VPS13A: variants seen among roughly 807,000 people sequenced by gnomAD.
The protein encoded by VPS13A is intermembrane lipid transfer protein VPS13A.
A neutral mutation model predicts 390.9 loss-of-function variants in VPS13A; 264 were observed. The observed-to-expected ratio is 0.68, with a 90% CI of 0.61 to 0.75. The LOEUF (loss-of-function observed/expected upper bound fraction) is 0.75, where lower values mean the gene tolerates loss of function less well. Among genes scored for constraint, VPS13A ranks in the 30% least tolerant of loss-of-function variants. VPS13A has a pLI of 0.00. For missense variants in VPS13A, 3,409 were observed against 3,733.9 expected (o/e 0.91, Z 2.27); for synonymous variants, 1,231 against 1,227.1 (o/e 1.00, Z -0.07).
rs751894921 is a variant in VPS13A at position 77,381,995 on chromosome 9, G to A, written c.9097G>A (p.Val3033Met). The A allele has an allele frequency of 1.2e-6, 2 of 1,605,922 alleles. No homozygotes were observed. Among genetic ancestry groups the A allele is most frequent in the Non-Finnish European group, 1.7e-6 (2 of 1,175,644 alleles). The change falls in exon 68 of 72, where the codon GTG becomes ATG. Residue 3033 changes from valine (V) to methionine (M), a missense_variant. By Grantham distance (21) the Val-to-Met change is conservative (BLOSUM62 1). This residue lies in a region of VPS13A where 318 missense variants were observed against 333.7 expected (regional missense o/e 0.95). Coordinates refer to ENST00000360280, the MANE Select transcript of VPS13A (RefSeq NM_033305.3). Reference protein sequence around the residue: ...GIKRATETSEVESLRPPRFFN... With the variant: ...GIKRATETSEMESLRPPRFFN... ...CTCTAGAGCTACAGAGACTTCTGAA[G>A]TGGAGAGTCTGCGACCTCCTCGGTT...
At chr9:77,345,627 G>A (rs1831107424) in intron 52 of VPS13A, among the ~76,000 whole-genome samples, 1 of 152,006 alleles carries the variant, frequency 6.6e-6, no homozygotes, top group Admixed American at 6.6e-5. Context: ...TTTATTTGCT[G>A]TTATATCTTC....
intron 57 of VPS13A, among the ~76,000 whole-genome samples, chr9:77,358,696 G>A (rs1245434467): frequency 2.6e-5 from 4 of 152,176 alleles, no homozygotes; most frequent in Non-Finnish European, 4.4e-5. Flanking sequence ...CAGATAATCT[G>A]TAAACCTGCG....
chr9:77,336,597 A>G (rs1178066180), intron 46 of VPS13A, among the ~76,000 whole-genome samples: 2 of 151,640 alleles, frequency 1.3e-5, no homozygotes, highest in East Asian at 3.9e-4. Flanking sequence ...AGAAAAGCCA[A>G]ATTCTTTCAG....
chr9:77,295,830 G>T lies in VPS13A; in HGVS notation c.3796G>T (p.Glu1266Ter). ...TGATTTGATAACAATAAAGCTGAGT[G>T]AAATGCGACTATACAGGTAAGCTTT... ...VIDLITIKLS[E>*]MRLYRSRFIN... Residue 1266 changes from glutamate to a stop codon, truncating the protein, a stop_gained, in exon 33 of 72, where the codon GAA (glutamate) becomes TAA (stop). Transcript: ENST00000360280. LOFTEE classifies it high-confidence loss of function. 1 of 1,613,826 alleles carries T rather than the reference G, an allele frequency of 6.2e-7. No homozygotes were observed. Among genetic ancestry groups the T allele is most frequent in the South Asian group, 1.1e-5 (1 of 91,078 alleles).
rs1174179361 is a variant in VPS13A at position 77,359,540 on chromosome 9, T to C, written c.8105+138T>C. The C allele has an allele frequency of 4.5e-6, 4 of 886,324 alleles. No homozygotes were observed. In the African/African-American group the frequency reaches 6.7e-5, roughly 15 times the overall value. 54.9% of individuals were successfully genotyped at this position (886,324 alleles called of 1,614,324 possible). ...ATTATAAACGTCAAATAAAAAAATA[T>C]AATGTTGTGGCTCACGCCTGTAATG... On this transcript the variant is annotated intron_variant, in intron 58 of 71. Coordinates refer to ENST00000360280, the MANE Select transcript of VPS13A (RefSeq NM_033305.3).
chr9:77,201,098 A>C (rs1825306334), intron 2 of VPS13A, among the ~76,000 whole-genome samples: 1 of 152,130 alleles, frequency 6.6e-6, no homozygotes, highest in Non-Finnish European at 1.5e-5. Context: ...ATTGGTAATG[A>C]TTTGATATGA....
intron 13 of VPS13A, among the ~76,000 whole-genome samples, chr9:77,222,195 G>A (rs968621876): frequency 6.6e-6 from 1 of 152,036 alleles, no homozygotes; most frequent in Non-Finnish European, 1.5e-5. Flanking sequence ...AAGACCTAGG[G>A]CTGTTAGGAA....
intron 68 of VPS13A, chr9:77,382,950 G>A: frequency 7.1e-6 from 7 of 985,116 alleles, no homozygotes; most frequent in Non-Finnish European, 8.4e-6. Context: ...CCAGTGTCAT[G>A]TTGTTTCTGT....
In VPS13A at chr9:77,214,355, T is replaced by C. The variant is rs749945516; in HGVS notation, c.723T>C (p.Asn241=). Residue 241 remains asparagine, a synonymous_variant, in exon 10 of 72, where the codon AAT becomes AAC. Transcript: ENST00000360280. ...SLDDLKNGIV[N]ENIVPEGYDF... ...ACGACTTGAAGAATGGCATTGTCAA[T>C]GAAAATATTGTTCCAGAAGGTTATG... is the stretch of plus-strand genomic sequence containing the variant. 3.4e-5 allele frequency: 55 copies of C among 1,613,140 alleles called. No individual in the cohort carries two copies. In the Admixed American group the frequency reaches 4.5e-4, roughly 13 times the overall value.
intron 68 of VPS13A, among the ~76,000 whole-genome samples, chr9:77,392,634 A>G (rs1365531352): frequency 6.6e-6 from 1 of 152,070 alleles, no homozygotes; most frequent in Non-Finnish European, 1.5e-5. Context: ...AGCAAGTCAC[A>G]CGCATATATT....
chr9:77,189,457 T>A (rs1824545355), intron 1 of VPS13A, among the ~76,000 whole-genome samples: 1 of 152,172 alleles, frequency 6.6e-6, no homozygotes, highest in Non-Finnish European at 1.5e-5. Context: ...TCCATTGGTC[T>A]ACATGTCTGT....
chr9:77,322,929 T>A lies in VPS13A; in HGVS notation c.5831-138T>A. On this transcript the variant is annotated intron_variant, in intron 44 of 71. Coordinates refer to ENST00000360280, the MANE Select transcript of VPS13A (RefSeq NM_033305.3). ...TGCTGGCTTCTTAAAATATCCCTTT[T>A]ATGGACTATATCCAAAGACTCTAGT... The A allele has an allele frequency of 4.4e-6, 3 of 675,660 alleles. No homozygotes were observed. The South Asian group carries it at 6.6e-5, about 15-fold the overall frequency. The allele number at this position is 675,660 out of a possible 1,614,324, so 41.9% of individuals were successfully genotyped here.
intron 3 of VPS13A, among the ~76,000 whole-genome samples, chr9:77,204,176 C>T (rs1376362977): frequency 1.3e-5 from 2 of 152,136 alleles, no homozygotes; most frequent in Non-Finnish European, 2.9e-5. Flanking sequence ...ATTTCCCAAT[C>T]ACTAACCAGT....
chr9:77,288,908 G>A (rs1469735976), intron 31 of VPS13A, among the ~76,000 whole-genome samples: 2 of 152,004 alleles, frequency 1.3e-5, no homozygotes, highest in Non-Finnish European at 2.9e-5. Context: ...TCTCTTGTTA[G>A]GTACATATAA....
intron 38 of VPS13A, 131 bp from the exon 39 acceptor site, chr9:77,316,043 A>G (rs895622121): frequency 4.9e-5 from 19 of 389,918 alleles, no homozygotes; most frequent in Middle Eastern, 1.8e-3. Flanking sequence ...TAAGGGTTGT[A>G]GTTGATTCCT....
chr9:77,201,296 G>C, intron 2 of VPS13A, 69 bp from the exon 3 acceptor site: 1 of 1,061,856 alleles, frequency 9.4e-7, no homozygotes, highest in Non-Finnish European at 1.4e-6. Context: ...TGGAAGTAAA[G>C]AGTATTCATT....
In VPS13A at chr9:77,253,515, C is replaced by A. The variant is rs535015803; in HGVS notation, c.2288+1163C>A. On this transcript the variant is annotated intron_variant, in intron 22 of 71. Coordinates refer to ENST00000360280, the MANE Select transcript of VPS13A (RefSeq NM_033305.3). ...AGGGATGGGATTTCACCGTGTTAGC[C>A]AGGGTGGGCTTGATCTCCTGACCTT... 2.4e-4 allele frequency among the ~76,000 whole-genome samples: 37 copies of A among 152,200 alleles called. 1 individual carries two copies. In the South Asian group the frequency reaches 7.3e-3, roughly 30 times the overall value.
intron 68 of VPS13A, chr9:77,384,656 TGATG>T: frequency 6.2e-7 from 1 of 1,606,742 alleles, no homozygotes; most frequent in Non-Finnish European, 8.5e-7. Context: ...ATGATGATGA[TGATG>T]ATGAGTCAGA....
intron 36 of VPS13A, 149 bp downstream of exon 36, chr9:77,314,268 T>C: frequency 1.0e-6 from 1 of 964,964 alleles, no homozygotes; most frequent in Non-Finnish European, 1.5e-6. Context: ...ATAATAATTA[T>C]AACTATTTCC....
Sources: gnomAD v4.1 joint callset for allele counts (sites outside exome capture counted in the v4.1 genomes callset) on GRCh38, gnomAD v4.1.1 for gene constraint, gnomAD v4.1.1 regional missense constraint, MANE v1.5 for transcripts, NCBI Gene and HGNC (gene_info 2026-07-23, HGNC 2026-07-21) for gene names.